BAZ2B: variants seen among roughly 807,000 people sequenced by gnomAD.
BAZ2B encodes the protein bromodomain adjacent to zinc finger domain 2B.
BAZ2B carries 91 observed loss-of-function variants against 246.0 expected under a neutral mutation model. The observed-to-expected ratio is 0.37, with a 90% confidence interval of 0.31 to 0.44. BAZ2B has a LOEUF of 0.44. Ranked by LOEUF, BAZ2B falls within the 20% of genes least tolerant of loss-of-function variation. The pLI, the probability that BAZ2B is intolerant of heterozygous loss-of-function variation, is 1.00. For missense variants in BAZ2B, 2,332 were observed against 2,533.7 expected, an observed-to-expected ratio of 0.92 and a Z score of 1.71; for synonymous variants, 855 against 860.0, an observed-to-expected ratio of 0.99 and a Z score of 0.10.
intron 1 of BAZ2B, among the ~76,000 whole-genome samples, chr2:159,558,963 G>A (rs1418769118): frequency 2.0e-5 from 3 of 152,236 alleles, no homozygotes; most frequent in African/African-American, 7.2e-5. Context: ...CATAGGCCAG[G>A]CGCGGGTGGT....
At chr2:159,359,623 C>A (rs2059473963) in intron 27 of BAZ2B, among the ~76,000 whole-genome samples, 1 of 152,122 alleles carries the variant, frequency 6.6e-6, no homozygotes, top group South Asian at 2.1e-4. Context: ...AGCGTCAATA[C>A]CTGATACCAA....
chr2:159,428,822 A>C (rs1009322442), intron 11 of BAZ2B, among the ~76,000 whole-genome samples: 2 of 152,152 alleles, frequency 1.3e-5, no homozygotes, highest in African/African-American at 4.8e-5. Flanking sequence ...AAACCATTTT[A>C]GCCAAACTCT....
chr2:159,611,797 A>G (rs1219078244), intron 1 of BAZ2B, among the ~76,000 whole-genome samples: 4 of 151,988 alleles, frequency 2.6e-5, no homozygotes, highest in African/African-American at 4.8e-5. Context: ...TAAATAAACT[A>G]TATTATATCC....
At chr2:159,332,326 C>CAAAA (rs11409022) in intron 34 of BAZ2B, among the ~76,000 whole-genome samples, 154 of 141,440 alleles carry the variant, frequency 1.1e-3, no homozygotes, top group African/African-American at 3.6e-3. Context: ...ATCTCTCTCT[C>CAAAA]AAAAAAAAAA....
At chr2:159,435,956 C>A (rs2072207706) in intron 8 of BAZ2B, among the ~76,000 whole-genome samples, 1 of 152,118 alleles carries the variant, frequency 6.6e-6, no homozygotes, top group East Asian at 1.9e-4. Context: ...CAATACCTTA[C>A]AAAGAGAAAG....
chr2:159,399,180 GT>G (rs1386763260), intron 17 of BAZ2B, among the ~76,000 whole-genome samples: 1 of 152,042 alleles, frequency 6.6e-6, no homozygotes, highest in African/African-American at 2.4e-5. Flanking sequence ...GAGTGTTTAT[GT>G]TCTTTTACCT....
the BAZ2B span, among the ~76,000 whole-genome samples, chr2:159,635,406 A>G: frequency 6.6e-6 from 1 of 152,164 alleles, no homozygotes; most frequent in Non-Finnish European, 1.5e-5. Context: ...CAAAAACTCC[A>G]TAAATCGATT....
chr2:159,383,646 A>G lies in BAZ2B; in HGVS notation c.3721T>C (p.Leu1241=). The G allele has an allele frequency of 9.9e-6, 16 of 1,611,854 alleles. No homozygotes were observed. Among genetic ancestry groups the G allele is most frequent in the East Asian group, 2.2e-5 (1 of 44,656 alleles). The part of the protein sequence containing the change: ...IDKNIDYMSN[L]RRDKWVVEGK... ...TCTACCACCCATTTATCTCTCCTCA[A>G]GTTTGACATATAATCAATGTTCTTG... is the stretch of plus-strand genomic sequence containing the variant. The change falls in exon 24 of 37, where the codon TTG becomes CTG. Residue 1241 remains leucine, a synonymous_variant. Transcript: ENST00000392783.
At chr2:159,539,675 A>C (rs560535634) in intron 2 of BAZ2B, among the ~76,000 whole-genome samples, 1 of 152,364 alleles carries the variant, frequency 6.6e-6, no homozygotes, top group Non-Finnish European at 1.5e-5. Context: ...CAGGAGTTCA[A>C]GACCAGCCTC....
At chr2:159,686,972 G>A in the BAZ2B span, among the ~76,000 whole-genome samples, 1 of 150,940 alleles carries the variant, frequency 6.6e-6, no homozygotes, top group Non-Finnish European at 1.5e-5. Context: ...AACCCGGGTG[G>A]CGGAGCTTGC....
intron 24 of BAZ2B, among the ~76,000 whole-genome samples, chr2:159,383,110 A>C (rs1294349294): frequency 6.6e-6 from 1 of 152,142 alleles, no homozygotes; most frequent in Non-Finnish European, 1.5e-5. Context: ...ATACTAACTG[A>C]CTGAATAAAT....
chr2:159,350,233 T>G lies in BAZ2B; in HGVS notation c.4338A>C (p.Gln1446His). Residue 1446 changes from glutamine to histidine, a missense_variant, in exon 28 of 37, where the codon CAA becomes CAC. Coordinates refer to ENST00000392783, the MANE Select transcript of BAZ2B (RefSeq NM_013450.4). ...TATCTTTTTCTTTAAGATCTTCCTT[T>G]TGTTCACAGTGATCTGTATTTGAAC... ...LNCSNTDHCE[Q>H]KEDLKEKDNT... The G allele has an allele frequency of 6.2e-7, 1 of 1,613,676 alleles. No individual in the cohort carries two copies. The highest frequency in any genetic ancestry group is 8.5e-7 in the Non-Finnish European group (1 of 1,179,756).
At chr2:159,711,962 T>A in the BAZ2B span, 1 of 152,166 alleles carries the variant, frequency 6.6e-6, no homozygotes, top group East Asian at 1.9e-4. Context: ...AGGCTCCAAC[T>A]CTTAAGGGAA....
At chr2:159,601,708 C>T (rs536105680) in intron 1 of BAZ2B, among the ~76,000 whole-genome samples, 9 of 151,836 alleles carry the variant, frequency 5.9e-5, no homozygotes, top group Middle Eastern at 3.2e-3. Context: ...GCGACAGGAG[C>T]GAAACTCTGT....
At chr2:159,556,319 AT>A (rs1160716119) in intron 1 of BAZ2B, among the ~76,000 whole-genome samples, 1 of 152,230 alleles carries the variant, frequency 6.6e-6, no homozygotes, top group Admixed American at 6.5e-5. Flanking sequence ...TACTGGAGAC[AT>A]TACCACATGC....
rs1682868962 is a variant in BAZ2B, at chr2:159,567,325, C to T, written c.-45-11460G>A. 2.0e-5 allele frequency among the ~76,000 whole-genome samples: 3 copies of T among 152,292 alleles called. No individual in the cohort carries two copies. In the South Asian group the frequency reaches 6.2e-4, roughly 32 times the overall value. ...ACATGGCTTTTAGTTTCCTGTTCAT[C>T]AGTGCAGAGAAGAAATGGCTGTCAT... is the stretch of plus-strand genomic sequence containing the variant. On this transcript the variant is annotated intron_variant, in intron 1 of 36. Coordinates refer to ENST00000392783, the MANE Select transcript of BAZ2B (RefSeq NM_013450.4).
At chr2:159,372,534 T>A (rs2060963895) in intron 27 of BAZ2B, among the ~76,000 whole-genome samples, 1 of 152,206 alleles carries the variant, frequency 6.6e-6, no homozygotes, top group African/African-American at 2.4e-5. Flanking sequence ...TAGAATATCA[T>A]GAATTTGTGG....
the BAZ2B span, among the ~76,000 whole-genome samples, chr2:159,697,328 T>C: frequency 3.9e-5 from 6 of 152,206 alleles, no homozygotes; most frequent in African/African-American, 1.2e-4. Context: ...TAATCTTAAT[T>C]GACTCATTGG....
chr2:159,334,520 C>G (rs1208824703), intron 33 of BAZ2B, among the ~76,000 whole-genome samples: 2 of 152,136 alleles, frequency 1.3e-5, no homozygotes, highest in Non-Finnish European at 1.5e-5. Context: ...ATGAGGATTA[C>G]TATAGGCACT....
Sources: allele counts gnomAD v4.1 joint callset (sites outside exome capture counted in the v4.1 genomes callset), GRCh38; gene constraint gnomAD v4.1.1; transcripts MANE v1.5; gene names NCBI Gene and HGNC (gene_info 2026-07-23, HGNC 2026-07-21).